EPHA5: variants seen among roughly 807,000 people sequenced by gnomAD.
The protein encoded by EPHA5 is ephrin type-A receptor 5.
A neutral mutation model predicts 105.0 loss-of-function variants in EPHA5; 60 were observed. The observed-to-expected ratio is 0.57, with a 90% CI of 0.46 to 0.71. The LOEUF is 0.71. Among genes scored for constraint, EPHA5 ranks in the 30% least tolerant of loss-of-function variants. The pLI is 0.00. For synonymous variants in EPHA5, 513 were observed against 449.1 expected (o/e 1.14, Z -1.80); for missense variants, 1,218 against 1,274.7 (o/e 0.96, Z 0.68).
chr4:65,593,221 T>A (rs565150387), intron 3 of EPHA5, among the ~76,000 whole-genome samples: 1 of 152,258 alleles, frequency 6.6e-6, no homozygotes, highest in African/African-American at 2.4e-5. Flanking sequence ...ATTAAATAAT[T>A]ACCATATGTA....
chr4:65,454,199 G>T (rs183667211), intron 5 of EPHA5, among the ~76,000 whole-genome samples: 1 of 152,086 alleles, frequency 6.6e-6, no homozygotes, highest in Non-Finnish European at 1.5e-5. Context: ...AGAATCGCTT[G>T]AACTCAGGAG....
chr4:65,564,602 A>G (rs1023260388), intron 3 of EPHA5, among the ~76,000 whole-genome samples: 54 of 151,750 alleles, frequency 3.6e-4, no homozygotes, highest in African/African-American at 1.3e-3. Context: ...ATAAACTTTA[A>G]ACCCTTCTTA....
intron 2 of EPHA5, among the ~76,000 whole-genome samples, chr4:65,626,566 A>T (rs189125849): frequency 3.3e-5 from 5 of 152,302 alleles, no homozygotes; most frequent in Admixed American, 2.6e-4. Context: ...TGAACAAATA[A>T]ATATTTGCTG....
rs1165540853 is a variant in EPHA5 at position 65,650,429 on chromosome 4, G to A, written c.182-7002C>T. ...AAAAAATTAACCAGGGCTTGGTGGC[G>A]GGCGCCCGTAGTCCCAGCTATTCGG... On this transcript the variant is annotated intron_variant, in intron 1 of 16. Transcript: ENST00000613740. Among the ~76,000 whole-genome samples, 6 of 151,536 alleles carry A rather than the reference G, an allele frequency of 4.0e-5. No homozygotes were observed. The South Asian group carries it at 1.0e-3, about 26-fold the overall frequency.
intron 3 of EPHA5, among the ~76,000 whole-genome samples, chr4:65,517,036 T>C (rs1734175325): frequency 6.6e-6 from 1 of 152,140 alleles, no homozygotes; most frequent in Non-Finnish European, 1.5e-5. Context: ...CCTATTTACT[T>C]GTTGTATCAA....
At chr4:65,453,866 C>T (rs1277693429) in intron 5 of EPHA5, among the ~76,000 whole-genome samples, 1 of 152,152 alleles carries the variant, frequency 6.6e-6, no homozygotes, top group Non-Finnish European at 1.5e-5. Flanking sequence ...TTCTTTCATT[C>T]CTGCCCTAAA....
chr4:65,506,312 G>A (rs1035424295), intron 3 of EPHA5, among the ~76,000 whole-genome samples: 4 of 150,862 alleles, frequency 2.7e-5, no homozygotes, highest in Non-Finnish European at 5.9e-5. Context: ...ATAAACATAC[G>A]TGTGCATGTG....
At position 65,324,175 on chromosome 4, in the gene EPHA5, T is replaced by A; in HGVS notation, c.2990A>T (p.Lys997Met). 1.2e-6 allele frequency: 2 copies of A among 1,609,698 alleles called. No individual in the cohort carries two copies. The highest frequency in any genetic ancestry group is 1.7e-6 in the Non-Finnish European group (2 of 1,177,120). Residue 997 changes from lysine (K) to methionine (M), a missense_variant, in exon 17 of 17, where the codon AAG becomes ATG. Physicochemically the swap from Lys to Met is moderately conservative, Grantham distance 95. This residue lies in a region of EPHA5 where 971 missense variants were observed against 1,013.5 expected (regional missense o/e 0.96). Coordinates refer to ENST00000613740, the MANE Select transcript of EPHA5 (RefSeq NM_001281766.3). Reference sequence around the variant, plus strand: ...CATTTCTTGAAGGCTGTTCATGATCTTCTTCTGGTGACCGACAAGAGTCAC... The same window carrying A: ...CATTTCTTGAAGGCTGTTCATGATCATCTTCTGGTGACCGACAAGAGTCAC... Reference protein sequence around the residue: ...LGVTLVGHQKKIMNSLQEMKV... With the variant: ...LGVTLVGHQKMIMNSLQEMKV...
At chr4:65,469,185 C>G (rs1729051181) in intron 5 of EPHA5, among the ~76,000 whole-genome samples, 1 of 152,182 alleles carries the variant, frequency 6.6e-6, no homozygotes, top group African/African-American at 2.4e-5. Flanking sequence ...AGAAGAAGGT[C>G]AAGTTCTGCA....
intron 3 of EPHA5, chr4:65,574,136 C>G (rs894592237): frequency 6.2e-7 from 1 of 1,608,378 alleles, no homozygotes; most frequent in Non-Finnish European, 8.5e-7. Context: ...TGCGGAAGCC[C>G]AGACACCAGG....
At chr4:65,488,366 G>A (rs1731082407) in intron 5 of EPHA5, among the ~76,000 whole-genome samples, 3 of 152,154 alleles carry the variant, frequency 2.0e-5, no homozygotes, top group Admixed American at 1.3e-4. Flanking sequence ...GTGATTGTTC[G>A]ATATGCTTAC....
chr4:65,506,702 C>T (rs188616145), intron 3 of EPHA5, among the ~76,000 whole-genome samples: 59 of 151,086 alleles, frequency 3.9e-4, no homozygotes, highest in South Asian at 8.4e-4. Context: ...ATCCTTCGCC[C>T]GCTTGTTGAT....
At chr4:65,572,981 AG>A (rs1392509739) in intron 3 of EPHA5, among the ~76,000 whole-genome samples, 2 of 152,072 alleles carry the variant, frequency 1.3e-5, no homozygotes. Flanking sequence ...CAGTAAGCCA[AG>A]ATCATGCCAT....
At chr4:65,496,458 T>C (rs909608056) in intron 3 of EPHA5, among the ~76,000 whole-genome samples, 5 of 145,648 alleles carry the variant, frequency 3.4e-5, no homozygotes, top group African/African-American at 7.6e-5. Context: ...CAATTCCCAC[T>C]TATGAGTGAG....
At chr4:65,562,453 C>T (rs1304883265) in intron 3 of EPHA5, among the ~76,000 whole-genome samples, 1 of 151,904 alleles carries the variant, frequency 6.6e-6, no homozygotes. Context: ...AAAAAAGATG[C>T]ATTTGGCTCT....
intron 3 of EPHA5, among the ~76,000 whole-genome samples, chr4:65,521,176 C>G (rs1465155728): frequency 1.3e-5 from 2 of 152,086 alleles, no homozygotes; most frequent in South Asian, 2.1e-4. Flanking sequence ...ACATATACAC[C>G]ATGGAATACT....
intron 15 of EPHA5, among the ~76,000 whole-genome samples, chr4:65,333,571 GTGTGTGTGC>G (rs1720883511): frequency 8.7e-6 from 1 of 115,130 alleles, no homozygotes; most frequent in Non-Finnish European, 1.8e-5. Flanking sequence ...GTGTGTGTGT[GTGTGTGTGC>G]TGGATTCCCC....
At chr4:65,567,964 C>T (rs1007537932) in intron 3 of EPHA5, among the ~76,000 whole-genome samples, 1 of 151,244 alleles carries the variant, frequency 6.6e-6, no homozygotes, top group Non-Finnish European at 1.5e-5. Flanking sequence ...TTATTGGCTA[C>T]TTTTCATACT....
At chr4:65,604,184 A>T (rs1744006991) in intron 2 of EPHA5, among the ~76,000 whole-genome samples, 1 of 53,030 alleles carries the variant, frequency 1.9e-5, no homozygotes, top group African/African-American at 5.7e-5. Flanking sequence ...AAAAGCAAGC[A>T]GAATAACAGG....
Sources: allele counts gnomAD v4.1 joint callset (sites outside exome capture counted in the v4.1 genomes callset), GRCh38; gene constraint gnomAD v4.1.1; regional missense constraint gnomAD v4.1.1; transcripts MANE v1.5; gene names NCBI Gene and HGNC (gene_info 2026-07-23, HGNC 2026-07-21).